Variants in SOAT2 observed in about 807,000 individuals in gnomAD.
The protein encoded by SOAT2 is sterol O-acyltransferase 2, also known as ACAT-2.
SOAT2 carries 87 observed loss-of-function variants against 76.0 expected under a neutral mutation model. That is an observed-to-expected ratio of 1.14 (90% CI 0.96 to 1.37). The LOEUF is 1.37. Among genes scored for constraint, SOAT2 ranks in the 40% most tolerant of loss-of-function variants. SOAT2 has a pLI of 0.00. For synonymous variants in SOAT2, 285 were observed against 275.4 expected (o/e 1.03, Z -0.34); for missense variants, 686 against 682.1 (o/e 1.01, Z -0.06).
At chr12:53,114,420 A>G (rs1938068831) in intron 5 of SOAT2, among the ~76,000 whole-genome samples, 2 of 152,162 alleles carry the variant, frequency 1.3e-5, no homozygotes, top group Non-Finnish European at 2.9e-5. Flanking sequence ...CTGCTCTCGG[A>G]GGATTTTAAA....
At chr12:53,109,631 G>A (rs1468736966) in intron 5 of SOAT2, among the ~76,000 whole-genome samples, 2 of 151,968 alleles carry the variant, frequency 1.3e-5, no homozygotes, top group African/African-American at 2.4e-5. Context: ...ACAGGCATAC[G>A]CCACCACACC....
chr12:53,120,377 G>A (rs1447814141), intron 10 of SOAT2, among the ~76,000 whole-genome samples: 1 of 152,130 alleles, frequency 6.6e-6, no homozygotes, highest in Non-Finnish European at 1.5e-5. Context: ...GCTGAGGCAG[G>A]AGAATGGCAT....
chr12:53,106,070 C>A, intron 5 of SOAT2, 56 bp downstream of exon 5: 1 of 1,249,530 alleles, frequency 8.0e-7, no homozygotes, highest in Non-Finnish European at 1.2e-6. Flanking sequence ...CCCTCTGGGT[C>A]CTCAGTGCCC....
At position 53,104,272 on chromosome 12, in the gene SOAT2, C is replaced by G. The variant is rs1409316861; in HGVS notation, c.138+66C>G. The stretch of plus-strand genomic sequence containing the variant: ...TTGGTAGCAGGAAGCAGGAGTGAGG[C>G]TTGGTGATAAAGATGACTTTTTTTT... On this transcript the variant is annotated intron_variant, in intron 2 of 14. Coordinates refer to ENST00000301466, the MANE Select transcript of SOAT2 (RefSeq NM_003578.4). The G allele has an allele frequency of 3.0e-6, 3 of 999,782 alleles. No homozygotes were observed. The African/African-American group carries it at 5.0e-5, about 17-fold the overall frequency. The allele number at this position is 999,782 out of a possible 1,614,324, so 61.9% of individuals were successfully genotyped here.
At chr12:53,116,037 G>C (rs1254675511) in intron 6 of SOAT2, 60 bp from the exon 7 acceptor site, 3 of 1,411,680 alleles carry the variant, frequency 2.1e-6, no homozygotes, top group Non-Finnish European at 3.0e-6. Flanking sequence ...AGCACAGAGA[G>C]GTTAAGCGAT....
Position 53,120,879 on chromosome 12 carries a change from A to ACC in SOAT2, c.1134_1135dup (p.Arg379ProfsTer44), listed in dbSNP as rs1938180606. 5 of 1,613,250 alleles carry ACC rather than the reference A, an allele frequency of 3.1e-6. No homozygotes were observed. The highest frequency in any genetic ancestry group is 4.2e-6 in the Non-Finnish European group (5 of 1,179,312). On this transcript the variant is annotated frameshift_variant, in exon 11 of 15. Transcript: ENST00000301466. LOFTEE classifies it high-confidence loss of function. ...CTACGATTTGGAGACAGGATGTTCT[A>ACC]CCGGGTGGGGCCTGGACCTAGGCCA...
At chr12:53,111,604 G>A (rs1938013434) in intron 5 of SOAT2, among the ~76,000 whole-genome samples, 1 of 152,126 alleles carries the variant, frequency 6.6e-6, no homozygotes, top group Admixed American at 6.5e-5. Flanking sequence ...ATTCTGTTTT[G>A]GGCTGAGTTA....
chr12:53,120,941 C>A, intron 11 of SOAT2, 58 bp downstream of exon 11: 1 of 1,326,616 alleles, frequency 7.5e-7, no homozygotes, highest in Non-Finnish European at 1.1e-6. Context: ...AGGGAGGGAT[C>A]TGGGGAAGAT....
At chr12:53,116,886 A>T (rs1938113590) in intron 7 of SOAT2, among the ~76,000 whole-genome samples, 1 of 151,704 alleles carries the variant, frequency 6.6e-6, no homozygotes. Flanking sequence ...AAAGTGAGAG[A>T]CATGCAACTC....
At position 53,118,354 on chromosome 12, in the gene SOAT2, G is replaced by A. The variant is rs1938136814; in HGVS notation, c.783G>A (p.Glu261=). 6.2e-7 allele frequency: 1 copy of A among 1,612,098 alleles called. No homozygotes were observed. Among genetic ancestry groups the A allele is most frequent in the Non-Finnish European group, 8.5e-7 (1 of 1,178,790 alleles). ...VPGTLRARRG[E]GIQAPSFSSY... is the part of the protein sequence containing the mutation. The stretch of plus-strand genomic sequence containing the variant: ...ACCCCTCTCATTCCTCCCCAGGTGA[G>A]GGGATCCAGGCCCCCAGTTTCTCCA... Residue 261 remains glutamate (E), a synonymous_variant, in exon 8 of 15, where the codon GAG becomes GAA. Coordinates refer to ENST00000301466, the MANE Select transcript of SOAT2 (RefSeq NM_003578.4).
chr12:53,119,920 C>T (rs1938164822), intron 10 of SOAT2, among the ~76,000 whole-genome samples: 2 of 152,218 alleles, frequency 1.3e-5, no homozygotes, highest in South Asian at 4.1e-4. Context: ...GTCTCTGTCT[C>T]TGTGTGTGTC....
intron 5 of SOAT2, among the ~76,000 whole-genome samples, chr12:53,108,775 C>T (rs1462583564): frequency 6.6e-6 from 1 of 152,192 alleles, no homozygotes; most frequent in East Asian, 1.9e-4. Context: ...TTATCAGAAA[C>T]CTGCATTCAA....
At chr12:53,106,805 A>G (rs1260170560) in intron 5 of SOAT2, among the ~76,000 whole-genome samples, 1 of 152,262 alleles carries the variant, frequency 6.6e-6, no homozygotes, top group Non-Finnish European at 1.5e-5. Context: ...CTTTTAATCT[A>G]TAACTAAGGT....
At chr12:53,118,844 A>T in intron 8 of SOAT2, 46 bp from the exon 9 acceptor site, 1 of 1,610,044 alleles carries the variant, frequency 6.2e-7, no homozygotes, top group Non-Finnish European at 8.5e-7. Flanking sequence ...TGAACAGAGA[A>T]CAACATGAAA....
At chr12:53,105,075 A>G (rs775550667) in intron 2 of SOAT2, 32 bp from the exon 3 acceptor site, 16 of 1,545,722 alleles carry the variant, frequency 1.0e-5, no homozygotes, top group Non-Finnish European at 1.4e-5. Flanking sequence ...GACTGGAGGG[A>G]CAGTGGGCTC....
At chr12:53,109,233 T>C (rs1249508150) in intron 5 of SOAT2, among the ~76,000 whole-genome samples, 10 of 152,066 alleles carry the variant, frequency 6.6e-5, no homozygotes, top group African/African-American at 2.4e-4. Context: ...CGAGACTCCA[T>C]CTAAATAAAT....
In SOAT2 at chr12:53,119,073, C is replaced by T. The variant is rs755772597; in HGVS notation, c.910-51C>T. On this transcript the variant is annotated intron_variant, in intron 9 of 14. Coordinates refer to ENST00000301466, the MANE Select transcript of SOAT2 (RefSeq NM_003578.4). ...GTGCTGGGCCAGAGGTCAATGCCAC[C>T]GGCAGCTGCCAGCATCCCTCTCCAG... is the stretch of plus-strand genomic sequence containing the variant. 150 of 1,611,574 alleles carry T rather than the reference C, an allele frequency of 9.3e-5. 1 individual carries two copies. Among genetic ancestry groups the T allele is most frequent in the South Asian group, 4.8e-4 (44 of 90,928 alleles).
chr12:53,106,901 T>G (rs753234384), intron 5 of SOAT2, among the ~76,000 whole-genome samples: 2 of 152,194 alleles, frequency 1.3e-5, no homozygotes, highest in Admixed American at 6.5e-5. Flanking sequence ...ACCCTTCTCT[T>G]ATCTCCTGCT....
chr12:53,106,663 C>T (rs150139263), intron 5 of SOAT2, among the ~76,000 whole-genome samples: 1 of 152,290 alleles, frequency 6.6e-6, no homozygotes, highest in Non-Finnish European at 1.5e-5. Flanking sequence ...TTTCTGTAAC[C>T]AGTTACAGGG....
Sources: gnomAD v4.1 joint callset for allele counts (sites outside exome capture counted in the v4.1 genomes callset) on GRCh38, gnomAD v4.1.1 for gene constraint, MANE v1.5 for transcripts, NCBI Gene and HGNC (gene_info 2026-07-23, HGNC 2026-07-21) for gene names.